Variants in CTSO observed in about 807,000 individuals in gnomAD.
CTSO encodes cathepsin O.
A neutral mutation model predicts 42.4 loss-of-function variants in CTSO; 40 were observed. The observed-to-expected ratio is 0.94, with a 90% CI of 0.73 to 1.23. The LOEUF (loss-of-function observed/expected upper bound fraction) is 1.23. CTSO is among the 50% of genes most tolerant of loss of function. The pLI is 0.00. For missense variants in CTSO, 441 were observed against 396.0 expected (o/e 1.11, Z -0.96); for synonymous variants, 156 against 146.2 (o/e 1.07, Z -0.48).
At chr4:155,928,256 G>T in intron 7 of CTSO, 80 bp downstream of exon 7, 2 of 991,928 alleles carry the variant, frequency 2.0e-6, no homozygotes, top group South Asian at 2.0e-5. Context: ...AAAGTGGTTT[G>T]AGTAGATTGT....
intron 7 of CTSO, among the ~76,000 whole-genome samples, chr4:155,926,546 A>G (rs1579336939): frequency 6.6e-6 from 1 of 152,234 alleles, no homozygotes; most frequent in Non-Finnish European, 1.5e-5. Flanking sequence ...AAAGCAATAA[A>G]TAGCCTATCT....
At chr4:155,940,434 G>A (rs1743408675) in intron 3 of CTSO, among the ~76,000 whole-genome samples, 1 of 151,948 alleles carries the variant, frequency 6.6e-6, no homozygotes, top group South Asian at 2.1e-4. Context: ...TCTTTGCAGA[G>A]TTAAGTTTTG....
intron 5 of CTSO, among the ~76,000 whole-genome samples, chr4:155,931,522 T>C (rs1005663094): frequency 6.6e-6 from 1 of 152,296 alleles, no homozygotes; most frequent in African/African-American, 2.4e-5. Context: ...GCCTCAGTCA[T>C]AAGCAGAGGC....
chr4:155,950,293 G>C (rs569983366), intron 1 of CTSO, among the ~76,000 whole-genome samples: 2 of 152,056 alleles, frequency 1.3e-5, no homozygotes, highest in Non-Finnish European at 2.9e-5. Context: ...TAAACATAAC[G>C]ATATTCATTT....
chr4:155,929,754 A>G, intron 5 of CTSO, 49 bp from the exon 6 acceptor site: 1 of 1,535,156 alleles, frequency 6.5e-7, no homozygotes, highest in Non-Finnish European at 8.8e-7. Context: ...TTTAAGGTAA[A>G]AATAACAATG....
At chr4:155,944,275 A>C (rs2110929405) in intron 1 of CTSO, among the ~76,000 whole-genome samples, 1 of 152,304 alleles carries the variant, frequency 6.6e-6, no homozygotes, top group South Asian at 2.1e-4. Context: ...AAGTTGTCAT[A>C]ATCTTATTTT....
intron 3 of CTSO, among the ~76,000 whole-genome samples, chr4:155,941,378 T>C (rs1019587308): frequency 1.3e-5 from 2 of 152,310 alleles, no homozygotes; most frequent in South Asian, 2.1e-4. Flanking sequence ...GTTCACTACA[T>C]GCATTATAGG....
At position 155,943,274 on chromosome 4, in the gene CTSO, A is replaced by T; in HGVS notation, c.136-10T>A. On this transcript the variant is annotated splice_polypyrimidine_tract_variant and intron_variant, in intron 1 of 7. Coordinates refer to ENST00000433477, the MANE Select transcript of CTSO (RefSeq NM_001334.3). ...GTCTATTAAGACTTTCCTAGAAGAA[A>T]AACAAAAACTATTTCATATCCACTA... 1 of 1,522,918 alleles carries T rather than the reference A, an allele frequency of 6.6e-7. No homozygotes were observed. The highest frequency in any genetic ancestry group is 9.1e-7 in the Non-Finnish European group (1 of 1,101,528). The allele number at this position is 1,522,918 out of a possible 1,614,324, so 94.3% of individuals were successfully genotyped here.
intron 1 of CTSO, among the ~76,000 whole-genome samples, chr4:155,945,268 T>A (rs1387126220): frequency 6.6e-6 from 1 of 150,918 alleles, no homozygotes; most frequent in Admixed American, 6.6e-5. Context: ...AAAAAATAAA[T>A]AAATAAATAA....
At position 155,929,531 on chromosome 4, in the gene CTSO, T is replaced by A. The variant is rs774219606; in HGVS notation, c.838+11A>T. ...CTGGAAAGCAGTCAACTGAGTCTTA[T>A]CAGCACTTACCTGTTTTATCAAACC... On this transcript the variant is annotated intron_variant, in intron 6 of 7. Transcript: ENST00000433477. 6 of 1,608,664 alleles carry A rather than the reference T, an allele frequency of 3.7e-6. No homozygotes were observed. In the Admixed American group the frequency reaches 5.0e-5, roughly 14 times the overall value.
chr4:155,931,834 A>C (rs923689371), intron 5 of CTSO, among the ~76,000 whole-genome samples: 1 of 150,824 alleles, frequency 6.6e-6, no homozygotes, highest in African/African-American at 2.4e-5. Flanking sequence ...TTGATTAATG[A>C]ATTATAATTA....
chr4:155,939,300 T>G, intron 4 of CTSO, 71 bp downstream of exon 4: 1 of 1,328,510 alleles, frequency 7.5e-7, no homozygotes, highest in East Asian at 2.3e-5. Context: ...AACAAACTGT[T>G]TGAATTTTGA....
chr4:155,945,978 C>A (rs1418890739), intron 1 of CTSO, among the ~76,000 whole-genome samples: 1 of 152,002 alleles, frequency 6.6e-6, no homozygotes, highest in African/African-American at 2.4e-5. Context: ...ACTGGTACGC[C>A]CTTTCAAGAT....
intron 3 of CTSO, among the ~76,000 whole-genome samples, 163 bp downstream of exon 3, chr4:155,942,154 A>C (rs1467202799): frequency 6.6e-6 from 1 of 152,086 alleles, no homozygotes; most frequent in African/African-American, 2.4e-5. Flanking sequence ...TTGACATTTG[A>C]CTCTCATTCC....
At position 155,953,782 on chromosome 4, in the gene CTSO, A is replaced by G; in HGVS notation, c.66T>C (p.Asp22=). Residue 22 remains aspartate, a synonymous_variant, in exon 1 of 8, where the codon GAT becomes GAC. Transcript: ENST00000433477. ...GGGTGAAGGGGGCGCGGGAGTCCGC[A>G]TCGCCGCCGCCCCGGCACAGCAGCC... ...LLWLLCRGGG[D]ADSRAPFTPT... is the part of the protein sequence containing the mutation. 9.0e-6 allele frequency: 12 copies of G among 1,340,646 alleles called. No individual in the cohort carries two copies. The highest frequency in any genetic ancestry group is 1.1e-5 in the Non-Finnish European group (11 of 1,042,518). The allele number at this position is 1,340,646 out of a possible 1,614,324, so 83.0% of individuals were successfully genotyped here.
At chr4:155,928,283 AAT>A in intron 7 of CTSO, 51 bp downstream of exon 7, 2 of 1,318,018 alleles carry the variant, frequency 1.5e-6, no homozygotes, top group Non-Finnish European at 2.1e-6. Context: ...AAAATATTCA[AAT>A]AATCTCCTTA....
intron 6 of CTSO, among the ~76,000 whole-genome samples, chr4:155,928,770 C>T (rs563352637): frequency 6.6e-6 from 1 of 152,274 alleles, no homozygotes; most frequent in South Asian, 2.1e-4. Flanking sequence ...CTTTTCCCAA[C>T]AATTATTCTA....
At chr4:155,938,033 T>C (rs1241499019) in intron 4 of CTSO, among the ~76,000 whole-genome samples, 1 of 152,180 alleles carries the variant, frequency 6.6e-6, no homozygotes, top group Non-Finnish European at 1.5e-5. Context: ...TACAGCATCC[T>C]TTTGTAGATC....
chr4:155,928,394 C>A lies in CTSO; in HGVS notation c.873G>T (p.Trp291Cys). The change falls in exon 7 of 8, where the codon TGG (tryptophan) becomes TGT (cysteine). Residue 291 changes from tryptophan (W) to cysteine (C), a missense_variant. Transcript: ENST00000433477. The stretch of plus-strand genomic sequence containing the variant: ...AACCATCTACTCCCCAAGAACTTCC[C>A]CAGGAATTCCGCACAATCCAATATG... ...STPYWIVRNS[W>C]GSSWGVDGYA... 6.2e-7 allele frequency: 1 copy of A among 1,613,338 alleles called. No individual in the cohort carries two copies. The highest frequency in any genetic ancestry group is 8.5e-7 in the Non-Finnish European group (1 of 1,179,590).
Sources: allele counts gnomAD v4.1 joint callset (sites outside exome capture counted in the v4.1 genomes callset), GRCh38; gene constraint gnomAD v4.1.1; transcripts MANE v1.5; gene names NCBI Gene and HGNC (gene_info 2026-07-23, HGNC 2026-07-21).